PDE4D: variants seen among roughly 807,000 people sequenced by gnomAD.
The protein encoded by PDE4D is 3',5'-cyclic-AMP phosphodiesterase 4D.
In PDE4D, 24 loss-of-function variants were observed where a neutral mutation model predicts 87.4. The ratio of observed to expected loss-of-function variants is 0.27; its 90% CI spans 0.20 to 0.39. PDE4D has a LOEUF of 0.39. Among genes scored for constraint, PDE4D ranks in the 10% least tolerant of loss-of-function variants. PDE4D has a pLI of 1.00. For missense variants in PDE4D, 714 were observed against 1,041.0 expected (o/e 0.69, Z 4.32); for synonymous variants, 384 against 383.2 (o/e 1.00, Z -0.02).
chr5:60,043,482 G>A (rs2152870326), intron 2 of PDE4D, among the ~76,000 whole-genome samples: 1 of 152,120 alleles, frequency 6.6e-6, no homozygotes, highest in African/African-American at 2.4e-5. Flanking sequence ...GCAACCCCAA[G>A]ACACATAATC....
intron 5 of PDE4D, among the ~76,000 whole-genome samples, chr5:59,087,587 C>T (rs1767940208): frequency 6.6e-6 from 1 of 152,112 alleles, no homozygotes; most frequent in Non-Finnish European, 1.5e-5. Flanking sequence ...GATTAATAGT[C>T]CTGTCCTTGA....
chr5:59,382,545 C>T (rs1267962756), intron 1 of PDE4D, among the ~76,000 whole-genome samples: 1 of 152,070 alleles, frequency 6.6e-6, no homozygotes, highest in Non-Finnish European at 1.5e-5. Flanking sequence ...GTAAATAATG[C>T]TTATTGGTTC....
At chr5:59,123,106 G>A (rs1276921765) in intron 5 of PDE4D, among the ~76,000 whole-genome samples, 1 of 150,848 alleles carries the variant, frequency 6.6e-6, no homozygotes, top group Non-Finnish European at 1.5e-5. Flanking sequence ...GCCGGTAGAT[G>A]TCTCCTTTGA....
At chr5:59,594,780 C>A (rs1168862878) in intron 1 of PDE4D, among the ~76,000 whole-genome samples, 1 of 152,120 alleles carries the variant, frequency 6.6e-6, no homozygotes, top group Non-Finnish European at 1.5e-5. Context: ...TTGGAATTAT[C>A]CGTATGATAC....
At chr5:59,189,185 G>A (rs1743625319) in intron 3 of PDE4D, among the ~76,000 whole-genome samples, 1 of 145,588 alleles carries the variant, frequency 6.9e-6, no homozygotes, top group African/African-American at 2.5e-5. Flanking sequence ...CCCAGGTGCT[G>A]TATTTTGGTT....
Position 59,215,857 on chromosome 5 carries a change from C to T in PDE4D, c.567G>A (p.Glu189=). ...QANFVHSQRR[E]SFLYRSDSDY... ...CGCTGTCGGATCGATACAGGAAGGA[C>T]TCCCGTCGTTGACTGTGGACAAAAT... The change falls in exon 2 of 15, where the codon GAG becomes GAA. Residue 189 remains glutamate (E), a synonymous_variant. Coordinates refer to ENST00000340635, the MANE Select transcript of PDE4D (RefSeq NM_001104631.2). 6.2e-7 allele frequency: 1 copy of T among 1,613,650 alleles called. No homozygotes were observed. Among genetic ancestry groups the T allele is most frequent in the Non-Finnish European group, 8.5e-7 (1 of 1,179,668 alleles).
chr5:59,762,443 GGTACACATATGTGTATATGT>G (rs1411713321), intron 1 of PDE4D, among the ~76,000 whole-genome samples: 2 of 116,394 alleles, frequency 1.7e-5, no homozygotes, highest in East Asian at 4.6e-4. Flanking sequence ...TGTGTATATG[GGTACACATATGTGTATATGT>G]GTATATGGGT....
intron 1 of PDE4D, among the ~76,000 whole-genome samples, chr5:59,630,933 G>T (rs955670589): frequency 6.6e-6 from 1 of 151,914 alleles, no homozygotes; most frequent in African/African-American, 2.4e-5. Context: ...TTTTTCCCTA[G>T]AAAATGTAGC....
chr5:60,488,128 A>G (rs1318936218), upstream of PDE4D: 1 of 152,628 alleles, frequency 6.6e-6, no homozygotes, highest in African/African-American at 2.4e-5. Context: ...CCAGCCAATC[A>G]CTTAGCTCCT....
intron 1 of PDE4D, among the ~76,000 whole-genome samples, chr5:60,274,471 C>T (rs941669876): frequency 6.6e-6 from 1 of 152,166 alleles, no homozygotes; most frequent in Admixed American, 6.5e-5. Flanking sequence ...AGCGATTCTC[C>T]TGCCTCAGCC....
chr5:59,707,771 C>T (rs570174180), intron 1 of PDE4D, among the ~76,000 whole-genome samples: 1 of 152,056 alleles, frequency 6.6e-6, no homozygotes, highest in African/African-American at 2.4e-5. Flanking sequence ...CATCCACGTC[C>T]CTGCAAAGGA....
intron 1 of PDE4D, among the ~76,000 whole-genome samples, chr5:59,630,067 G>C (rs930371773): frequency 6.6e-6 from 1 of 152,164 alleles, no homozygotes; most frequent in Non-Finnish European, 1.5e-5. Context: ...TAGCAAAGGT[G>C]TCTTATTTGG....
At chr5:60,425,699 A>G (rs1198769068) in intron 1 of PDE4D, among the ~76,000 whole-genome samples, 1 of 152,242 alleles carries the variant, frequency 6.6e-6, no homozygotes, top group African/African-American at 2.4e-5. Flanking sequence ...TAATCAAACT[A>G]AAGAGCTTCG....
chr5:59,208,210 T>C (rs1749266679), intron 2 of PDE4D, among the ~76,000 whole-genome samples: 1 of 152,070 alleles, frequency 6.6e-6, no homozygotes, highest in Admixed American at 6.6e-5. Context: ...CTGAGGAACA[T>C]AGTGAGTATA....
intron 3 of PDE4D, among the ~76,000 whole-genome samples, chr5:59,905,799 A>G (rs1295586519): frequency 6.6e-6 from 1 of 152,168 alleles, no homozygotes. Flanking sequence ...TTAGGGGAGT[A>G]AAAAACCAAG....
intron 1 of PDE4D, among the ~76,000 whole-genome samples, chr5:59,410,451 T>C (rs997619132): frequency 1.3e-5 from 2 of 152,200 alleles, no homozygotes; most frequent in African/African-American, 4.8e-5. Flanking sequence ...TTCATTATGT[T>C]GGCCATACTG....
At chr5:59,697,202 G>A (rs1751909187) in intron 1 of PDE4D, among the ~76,000 whole-genome samples, 1 of 152,186 alleles carries the variant, frequency 6.6e-6, no homozygotes, top group African/African-American at 2.4e-5. Context: ...CATTTACTGT[G>A]AGCCACCTAA....
chr5:59,009,258 T>C (rs1339170261), intron 6 of PDE4D, among the ~76,000 whole-genome samples: 6 of 152,090 alleles, frequency 3.9e-5, no homozygotes. Context: ...CATATGTCTA[T>C]ATAAAGACCT....
chr5:59,657,153 A>T (rs1252345983), intron 1 of PDE4D, among the ~76,000 whole-genome samples: 2 of 152,254 alleles, frequency 1.3e-5, no homozygotes, highest in Non-Finnish European at 2.9e-5. Context: ...TGAAAGGACA[A>T]ATTTGAAAAA....
Sources: allele counts gnomAD v4.1 joint callset (sites outside exome capture counted in the v4.1 genomes callset), GRCh38; gene constraint gnomAD v4.1.1; transcripts MANE v1.5; gene names NCBI Gene and HGNC (gene_info 2026-07-23, HGNC 2026-07-21).